Variants in ADAMTS14 observed in about 807,000 individuals in gnomAD.
ADAMTS14 encodes A disintegrin and metalloproteinase with thrombospondin motifs 14.
Under a neutral mutation model 128.6 loss-of-function variants are expected in ADAMTS14, and 100 were observed. That is an observed-to-expected ratio of 0.78 (90% confidence interval 0.66 to 0.92). The LOEUF is 0.92. Among genes scored for constraint, ADAMTS14 ranks in the 40% least tolerant of loss-of-function variants. ADAMTS14 has a pLI of 0.00. For missense variants in ADAMTS14, 1,562 were observed against 1,658.6 expected (o/e 0.94, Z 1.01); for synonymous variants, 665 against 653.8 (o/e 1.02, Z -0.26).
In ADAMTS14 at chr10:70,751,652, G is replaced by A. The variant is rs373370112; in HGVS notation, c.2596+6G>A. On this transcript the variant is annotated splice_donor_region_variant and intron_variant, in intron 17 of 21. Coordinates refer to ENST00000373207, the MANE Select transcript of ADAMTS14 (RefSeq NM_080722.4). ...CAGCAAGGCCTGTGGAGGAGGTACCGGTTCCCTGACCCGCCAGTGCTTTGT... is the reference window on the plus strand; with the variant it reads ...CAGCAAGGCCTGTGGAGGAGGTACCAGTTCCCTGACCCGCCAGTGCTTTGT... 9.2e-5 allele frequency: 147 copies of A among 1,599,498 alleles called. No individual in the cohort carries two copies. Among genetic ancestry groups the A allele is most frequent in the Non-Finnish European group, 1.1e-4 (126 of 1,168,142 alleles).
At chr10:70,729,408 C>A in intron 5 of ADAMTS14, 31 bp downstream of exon 5, 1 of 1,580,572 alleles carries the variant, frequency 6.3e-7, no homozygotes, top group East Asian at 2.2e-5. Flanking sequence ...GCAGGGTTTG[C>A]GGGGAGAAGG....
chr10:70,751,394 C>A, intron 16 of ADAMTS14, 84 bp from the exon 17 acceptor site: 3 of 1,351,384 alleles, frequency 2.2e-6, no homozygotes, highest in East Asian at 2.3e-5. Flanking sequence ...GACCCTAAGG[C>A]CTTCTCTTCG....
chr10:70,760,409 C>A lies in ADAMTS14; in HGVS notation c.3228C>A (p.Leu1076=). The change falls in exon 22 of 22, where the codon CTC becomes CTA. Residue 1076 remains leucine (L), a synonymous_variant. Coordinates refer to ENST00000373207, the MANE Select transcript of ADAMTS14 (RefSeq NM_080722.4). ...DRSVFCQMEV[L]DRYCSIPGYH... is the part of the protein sequence containing the mutation. ...CTGTCTTCTGCCAGATGGAAGTGCT[C>A]GATCGCTACTGCTCCATTCCCGGCT... 6.2e-7 allele frequency: 1 copy of A among 1,607,628 alleles called. No homozygotes were observed. The highest frequency in any genetic ancestry group is 8.5e-7 in the Non-Finnish European group (1 of 1,177,274).
At chr10:70,683,370 C>T (rs1839871372) in intron 2 of ADAMTS14, among the ~76,000 whole-genome samples, 1 of 152,184 alleles carries the variant, frequency 6.6e-6, no homozygotes, top group Admixed American at 6.5e-5. Flanking sequence ...GCACACGAAA[C>T]AAGAAAGGGA....
intron 4 of ADAMTS14, among the ~76,000 whole-genome samples, chr10:70,716,422 C>T (rs138408759): frequency 5.3e-5 from 8 of 152,176 alleles, no homozygotes; most frequent in Non-Finnish European, 7.3e-5. Flanking sequence ...GCTGCCATCG[C>T]GGGTACATGG....
At chr10:70,758,359 C>G in intron 21 of ADAMTS14, 74 bp downstream of exon 21, 1 of 1,360,088 alleles carries the variant, frequency 7.4e-7, no homozygotes, top group Non-Finnish European at 1.0e-6. Flanking sequence ...ATGGGCCACT[C>G]AGTGGAGCAA....
chr10:70,717,914 G>T (rs771693472), intron 4 of ADAMTS14, among the ~76,000 whole-genome samples: 2 of 152,174 alleles, frequency 1.3e-5, no homozygotes, highest in Non-Finnish European at 2.9e-5. Context: ...CCAATTGTAG[G>T]GTCCTACCAG....
intron 4 of ADAMTS14, among the ~76,000 whole-genome samples, chr10:70,718,681 C>CACCCA (rs1841144756): frequency 1.4e-5 from 2 of 146,158 alleles, no homozygotes; most frequent in African/African-American, 5.1e-5. Context: ...CCAGGGTGCC[C>CACCCA]AGCCTTTTTT....
Position 70,738,842 on chromosome 10 carries a change from T to G in ADAMTS14, c.1600T>G (p.Trp534Gly), listed in dbSNP as rs1841907082. Residue 534 changes from tryptophan to glycine, a missense_variant and splice_region_variant, in exon 11 of 22, where the codon TGG (tryptophan) becomes GGG (glycine). By Grantham distance (184) the Trp-to-Gly change is radical. Coordinates refer to ENST00000373207, the MANE Select transcript of ADAMTS14 (RefSeq NM_080722.4). ...LDGTECAPGK[W>G]CFKGHCIWKS... ...CCTCATGCCCTCTGCTCTGCCCCAG[T>G]GGTGCTTCAAAGGTCACTGCATCTG... The G allele has an allele frequency of 6.2e-7, 1 of 1,613,964 alleles. No homozygotes were observed. The highest frequency in any genetic ancestry group is 8.5e-7 in the Non-Finnish European group (1 of 1,180,004).
chr10:70,735,043 G>T (rs999675958), intron 8 of ADAMTS14, 126 bp from the exon 9 acceptor site: 5 of 1,259,316 alleles, frequency 4.0e-6, no homozygotes, highest in African/African-American at 3.0e-5. Context: ...AAGAGACAGC[G>T]CTGGGAACAG....
chr10:70,710,467 T>C (rs762437826), intron 4 of ADAMTS14, among the ~76,000 whole-genome samples: 2 of 152,232 alleles, frequency 1.3e-5, no homozygotes, highest in Non-Finnish European at 2.9e-5. Context: ...GCTAGCTGTA[T>C]GATCATACAG....
chr10:70,744,566 A>AT lies in ADAMTS14; in HGVS notation c.2182+386dup, dbSNP rs1225056961. Among the ~76,000 whole-genome samples, 10 of 151,224 alleles carry AT rather than the reference A, an allele frequency of 6.6e-5. No individual in the cohort carries two copies. In the East Asian group the frequency reaches 1.2e-3, roughly 18 times the overall value. ...ATTTTCTTTTCCTCTCTCCTTCCTT[A>AT]TTTTTTTTTAAACCTGTGGCACTTT... On this transcript the variant is annotated intron_variant, in intron 14 of 21. Coordinates refer to ENST00000373207, the MANE Select transcript of ADAMTS14 (RefSeq NM_080722.4).
At chr10:70,759,131 C>CTTTTTTTTTTTTTTTTTTTTTTTTTTTTT (rs1564563850) in intron 21 of ADAMTS14, among the ~76,000 whole-genome samples, 1 of 121,168 alleles carries the variant, frequency 8.3e-6, no homozygotes, top group African/African-American at 3.1e-5. Flanking sequence ...CAATCTTCTA[C>CTTTTTTTTTTTTTTTTTTTTTTTTTTTTT]TTCTCTGCTC....
At chr10:70,745,475 T>G in intron 15 of ADAMTS14, 169 bp downstream of exon 15, 1 of 749,260 alleles carries the variant, frequency 1.3e-6, no homozygotes, top group Admixed American at 2.1e-5. Flanking sequence ...GCTGCATGGG[T>G]AACCCATTCC....
At chr10:70,703,454 C>T (rs1840556909) in intron 3 of ADAMTS14, among the ~76,000 whole-genome samples, 2 of 152,216 alleles carry the variant, frequency 1.3e-5, no homozygotes, top group African/African-American at 4.8e-5. Flanking sequence ...CGTTGAAGCT[C>T]CAGTTGCTCT....
chr10:70,741,580 C>T (rs1400383035), intron 12 of ADAMTS14, among the ~76,000 whole-genome samples: 1 of 152,188 alleles, frequency 6.6e-6, no homozygotes, highest in Non-Finnish European at 1.5e-5. Flanking sequence ...GACCAGTGTC[C>T]TGAGGAGCTC....
At chr10:70,737,350 G>A (rs1294543305) in intron 10 of ADAMTS14, among the ~76,000 whole-genome samples, 1 of 152,226 alleles carries the variant, frequency 6.6e-6, no homozygotes, top group East Asian at 1.9e-4. Flanking sequence ...ACCCAGCTCT[G>A]CTCTGCTGCC....
intron 4 of ADAMTS14, among the ~76,000 whole-genome samples, chr10:70,722,818 A>C (rs565177807): frequency 1.3e-5 from 2 of 152,376 alleles, no homozygotes; most frequent in South Asian, 4.1e-4. Context: ...AACATAAATG[A>C]TAGAATAAAT....
intron 15 of ADAMTS14, among the ~76,000 whole-genome samples, 168 bp from the exon 16 acceptor site, chr10:70,749,654 A>G (rs1264101939): frequency 7.0e-6 from 1 of 142,252 alleles, no homozygotes; most frequent in Non-Finnish European, 1.6e-5. Flanking sequence ...CGTGGGTTTG[A>G]CAGGGAGCGT....
Sources: gnomAD v4.1 joint callset for allele counts (sites outside exome capture counted in the v4.1 genomes callset) on GRCh38, gnomAD v4.1.1 for gene constraint, MANE v1.5 for transcripts, NCBI Gene and HGNC (gene_info 2026-07-23, HGNC 2026-07-21) for gene names.